The following EED variants were observed in gnomAD, a reference collection of about 807,000 sequenced individuals.
EED encodes polycomb protein EED.
Under a neutral mutation model 61.0 loss-of-function variants are expected in EED, and 9 were observed. That is an observed-to-expected ratio of 0.15 (90% confidence interval 0.09 to 0.26). The LOEUF (loss-of-function observed/expected upper bound fraction) is 0.26, where lower values mean the gene tolerates loss of function less well. Ranked by LOEUF, EED falls within the 10% of genes least tolerant of loss-of-function variation. EED has a pLI of 1.00. For synonymous variants in EED, 187 were observed against 174.4 expected, an observed-to-expected ratio of 1.07 and a Z score of -0.57; for missense variants, 315 against 542.3, an observed-to-expected ratio of 0.58 and a Z score of 4.16.
In EED at chr11:86,266,210, C is replaced by T; in HGVS notation, c.854C>T (p.Thr285Ile). ...TCTTATGATTATAATCCAAATAAAACTAACAGGTAACAGTTGTGGTATTTG... is the reference window on the plus strand; with the variant it reads ...TCTTATGATTATAATCCAAATAAAATTAACAGGTAACAGTTGTGGTATTTG... ...KESYDYNPNK[T>I]NRPFISQKIH... Residue 285 changes from threonine (T) to isoleucine (I), a missense_variant, in exon 8 of 12, where the codon ACT becomes ATT. This residue lies in a region of EED where 205 missense variants were observed against 455.4 expected (regional missense o/e 0.45). Coordinates refer to ENST00000263360, the MANE Select transcript of EED (RefSeq NM_003797.5). The T allele has an allele frequency of 6.3e-7, 1 of 1,592,512 alleles. No homozygotes were observed. The highest frequency in any genetic ancestry group is 8.6e-7 in the Non-Finnish European group (1 of 1,166,480).
At chr11:86,272,619 T>C (rs1328413628) in intron 9 of EED, among the ~76,000 whole-genome samples, 1 of 152,226 alleles carries the variant, frequency 6.6e-6, no homozygotes, top group African/African-American at 2.4e-5. Context: ...CAATGTGGAT[T>C]TTTCTCTTTC....
At chr11:86,254,385 A>G (rs7946689) in intron 3 of EED, among the ~76,000 whole-genome samples, 4,680 of 150,534 alleles carry the variant, frequency 0.031, 229 homozygotes, top group African/African-American at 0.11. Flanking sequence ...CAGTGGTGCA[A>G]TCTTGGCTCA....
At chr11:86,276,958 C>G (rs1490652739) in intron 9 of EED, 22 bp from the exon 10 acceptor site, 14 of 1,459,208 alleles carry the variant, frequency 9.6e-6, no homozygotes, top group African/African-American at 1.4e-5. Flanking sequence ...ATTTCTTTTT[C>G]TCATTTCTCT....
chr11:86,287,224 G>T, the EED span, among the ~76,000 whole-genome samples: 1 of 152,116 alleles, frequency 6.6e-6, no homozygotes, highest in Non-Finnish European at 1.5e-5. Flanking sequence ...TTTACCAAGG[G>T]TAGTGGAAGT....
chr11:86,263,746 AT>A (rs1023300243), intron 6 of EED, among the ~76,000 whole-genome samples: 1 of 152,202 alleles, frequency 6.6e-6, no homozygotes, highest in Non-Finnish European at 1.5e-5. Context: ...GTCCAAGAAC[AT>A]GGTGCCGGCA....
downstream of EED, among the ~76,000 whole-genome samples, chr11:86,279,055 T>G (rs138838956): frequency 3.4e-4 from 52 of 152,336 alleles, no homozygotes; most frequent in African/African-American, 1.2e-3. Flanking sequence ...TGACATATAA[T>G]AAGCCCTAAA....
In EED at chr11:86,256,437, C is replaced by T. The variant is rs778911575; in HGVS notation, c.477C>T (p.Ser159=). 48 of 1,611,960 alleles carry T rather than the reference C, an allele frequency of 3.0e-5. No homozygotes were observed. The highest frequency in any genetic ancestry group is 1.6e-4 in the Middle Eastern group (1 of 6,070). The change falls in exon 5 of 12, where the codon AGC becomes AGT. Residue 159 remains serine (S), a synonymous_variant. Transcript: ENST00000263360. ...CATGGACCTATGATAGCAATACGAGCCATCCTCTGCTGGCTGTAGCTGGAT... is the reference window on the plus strand; with the variant it reads ...CATGGACCTATGATAGCAATACGAGTCATCCTCTGCTGGCTGTAGCTGGAT... ...TCAWTYDSNT[S]HPLLAVAGSR...
At chr11:86,257,004 GATCAGAAT>G (rs1945692514) in intron 5 of EED, among the ~76,000 whole-genome samples, 1 of 151,788 alleles carries the variant, frequency 6.6e-6, no homozygotes, top group Admixed American at 6.6e-5. Flanking sequence ...CCGCTAATCC[GATCAGAAT>G]ATCTGCAGGT....
chr11:86,248,887 T>C (rs537103315), intron 1 of EED, among the ~76,000 whole-genome samples: 9 of 152,062 alleles, frequency 5.9e-5, no homozygotes, highest in Non-Finnish European at 1.2e-4. Context: ...GGCCAGCTCC[T>C]GTTGTCCCAG....
intron 6 of EED, among the ~76,000 whole-genome samples, chr11:86,260,703 G>T (rs1945805149): frequency 6.6e-6 from 1 of 152,126 alleles, no homozygotes; most frequent in Admixed American, 6.5e-5. Context: ...GAAGGGAAAA[G>T]CTAGTATCTT....
chr11:86,259,495 T>G (rs1945771899), intron 6 of EED, among the ~76,000 whole-genome samples: 1 of 152,106 alleles, frequency 6.6e-6, no homozygotes, highest in African/African-American at 2.4e-5. Flanking sequence ...AAAAAATGTT[T>G]TTGTAGAGAT....
chr11:86,246,169 A>G (rs1565685854), intron 1 of EED, among the ~76,000 whole-genome samples: 1 of 152,192 alleles, frequency 6.6e-6, no homozygotes, highest in South Asian at 2.1e-4. Context: ...ATTTAACCCA[A>G]CTGAGTTTTA....
chr11:86,269,950 T>C (rs1946073536), intron 9 of EED: 1 of 557,004 alleles, frequency 1.8e-6, no homozygotes, highest in Non-Finnish European at 3.2e-6. Flanking sequence ...ATAAAGCTGC[T>C]AATCAGCAGT....
the EED span, chr11:86,284,565 A>G: frequency 1.3e-5 from 2 of 152,242 alleles, no homozygotes; most frequent in Non-Finnish European, 2.9e-5. Flanking sequence ...GGCCAAAAGT[A>G]TGCTCTTTGC....
intron 3 of EED, among the ~76,000 whole-genome samples, chr11:86,254,303 T>A (rs1206507409): frequency 1.3e-5 from 2 of 151,396 alleles, no homozygotes; most frequent in Non-Finnish European, 2.9e-5. Flanking sequence ...TTATTTTTAT[T>A]TGAATTTTTA....
At chr11:86,274,557 G>A (rs1946186565) in intron 9 of EED, among the ~76,000 whole-genome samples, 1 of 152,122 alleles carries the variant, frequency 6.6e-6, no homozygotes, top group Non-Finnish European at 1.5e-5. Flanking sequence ...GATTGGGGTG[G>A]AAGTCTGGGT....
chr11:86,245,267 C>T lies in EED; in HGVS notation c.38C>T (p.Thr13Ile), dbSNP rs772521195. ...EREVSTAPAG[T>I]DMPAAKKQKL... ...GAAGTGTCGACTGCGCCGGCGGGAA[C>T]AGACATGCCTGCGGCCAAGAAGCAG... The change falls in exon 1 of 12, where the codon ACA becomes ATA. Residue 13 changes from threonine (T) to isoleucine (I), a missense_variant. Around this residue, in one of 2 missense-constraint regions of EED, gnomAD observed 110 missense variants for 86.9 expected, o/e 1.27. Coordinates refer to ENST00000263360, the MANE Select transcript of EED (RefSeq NM_003797.5). 3.1e-6 allele frequency: 5 copies of T among 1,613,324 alleles called. No homozygotes were observed. In the African/African-American group the frequency reaches 4.0e-5, roughly 13 times the overall value.
intron 4 of EED, 139 bp from the exon 5 acceptor site, chr11:86,256,248 T>G: frequency 1.4e-6 from 1 of 693,364 alleles, no homozygotes; most frequent in South Asian, 3.4e-5. Flanking sequence ...CAAATCACCA[T>G]TGTATATATT....
the EED span, among the ~76,000 whole-genome samples, chr11:86,286,461 A>G: frequency 6.6e-6 from 1 of 152,222 alleles, no homozygotes; most frequent in African/African-American, 2.4e-5. Context: ...AGGCTGGTAG[A>G]AACTCAGTGA....
Sources: gnomAD v4.1 joint callset for allele counts (sites outside exome capture counted in the v4.1 genomes callset) on GRCh38, gnomAD v4.1.1 for gene constraint, gnomAD v4.1.1 regional missense constraint, MANE v1.5 for transcripts, NCBI Gene and HGNC (gene_info 2026-07-23, HGNC 2026-07-21) for gene names.